Variants in CDKL5 observed in about 807,000 individuals in gnomAD.
The protein encoded by CDKL5 is cyclin-dependent kinase-like 5.
CDKL5 carries 8 observed loss-of-function variants against 61.7 expected under a neutral mutation model. The observed-to-expected ratio is 0.13, with a 90% CI of 0.08 to 0.23. The LOEUF is 0.23. Among genes scored for constraint, CDKL5 ranks in the 10% least tolerant of loss-of-function variants. The pLI is 1.00. For missense variants in CDKL5, 440 were observed against 734.5 expected (o/e 0.60, Z 4.63); for synonymous variants, 275 against 272.3 (o/e 1.01, Z -0.10).
intron 12 of CDKL5, among the ~76,000 whole-genome samples, chrX:18,607,568 C>G (rs968716678): frequency 2.7e-5 from 3 of 112,044 alleles, no homozygotes; most frequent in African/African-American, 9.7e-5. Flanking sequence ...AAGCACAGAT[C>G]TGTTACAGAC....
At chrX:18,647,666 A>G in intron 20 of CDKL5, 1 of 278,268 alleles carries the variant, frequency 3.6e-6, no homozygotes, top group Non-Finnish European at 6.5e-6. Flanking sequence ...AAAAACCAAG[A>G]GGTGCACAGT....
At chrX:18,509,192 A>AACACACACACACACACAC in intron 2 of CDKL5, among the ~76,000 whole-genome samples, 1 of 45,011 alleles carries the variant, frequency 2.2e-5, no homozygotes, top group Non-Finnish European at 4.0e-5. Context: ...ACTGTCTCAA[A>AACACACACACACACACAC]ACACGCACAC....
intron 3 of CDKL5, among the ~76,000 whole-genome samples, chrX:18,519,218 G>T (rs1000522845): frequency 8.9e-6 from 1 of 112,152 alleles, no homozygotes; most frequent in Non-Finnish European, 1.9e-5. Flanking sequence ...TTGTTGGAAT[G>T]CAGCCACAGT....
At chrX:18,501,579 C>T (rs1295813001) in intron 1 of CDKL5, among the ~76,000 whole-genome samples, 10 of 110,833 alleles carry the variant, frequency 9.0e-5, no homozygotes, top group Non-Finnish European at 1.1e-4. Flanking sequence ...GAGACAGTCT[C>T]GCTCTGTCGC....
At chrX:18,433,240 A>AT (rs373852698) in intron 1 of CDKL5, among the ~76,000 whole-genome samples, 3 of 107,324 alleles carry the variant, frequency 2.8e-5, no homozygotes, top group Non-Finnish European at 5.8e-5. Flanking sequence ...AAAAAAAAAA[A>AT]GAAAAGAAAA....
downstream of CDKL5, among the ~76,000 whole-genome samples, chrX:18,644,903 T>G (rs191528187): frequency 8.9e-6 from 1 of 112,772 alleles, no homozygotes; most frequent in African/African-American, 3.2e-5. Flanking sequence ...GTGGCTGAAA[T>G]TGCCTTTGGG....
chrX:18,622,338 C>T (rs903186105), intron 16 of CDKL5, among the ~76,000 whole-genome samples: 5 of 111,980 alleles, frequency 4.5e-5, no homozygotes, highest in Non-Finnish European at 9.4e-5. Context: ...GCTTTACCAA[C>T]CCAAAAGTTG....
At chrX:18,505,578 C>T (rs963658725) in intron 1 of CDKL5, among the ~76,000 whole-genome samples, 1 of 111,824 alleles carries the variant, frequency 8.9e-6, no homozygotes, top group African/African-American at 3.3e-5. Flanking sequence ...AGAATATGGG[C>T]CAATTATTTA....
At chrX:18,533,445 A>G (rs1349583314) in intron 3 of CDKL5, among the ~76,000 whole-genome samples, 2 of 111,743 alleles carry the variant, frequency 1.8e-5, no homozygotes, top group East Asian at 5.6e-4. Flanking sequence ...ATGTTTTTTT[A>G]AGAACTCTTC....
At chrX:18,651,264 T>TGTGTGA (rs1491242962) in intron 21 of CDKL5, among the ~76,000 whole-genome samples, 23 of 69,010 alleles carry the variant, frequency 3.3e-4, no homozygotes, top group African/African-American at 1.1e-3. Flanking sequence ...TGTGTGTGTG[T>TGTGTGA]GAGAGAGAGA....
chrX:18,506,213 A>G (rs767899761), intron 1 of CDKL5, among the ~76,000 whole-genome samples: 2 of 111,782 alleles, frequency 1.8e-5, no homozygotes, highest in African/African-American at 6.5e-5. Context: ...AATATGCCCT[A>G]GGCTCCTATG....
In CDKL5 at chrX:18,634,131, C is replaced by T. The variant is rs1927314750; in HGVS notation, c.*5374C>T. On this transcript the variant is annotated 3_prime_UTR_variant, in exon 18 of 18. Coordinates refer to ENST00000623535, the MANE Select transcript of CDKL5 (RefSeq NM_001323289.2). ...CGATCCTCCTTTGGAATCTGAAAAT[C>T]GGTCTCCATGTTGTATGCAGATTAG... The T allele has an allele frequency of 2.7e-6, 2 of 753,488 alleles. No individual in the cohort carries two copies. The highest frequency in any genetic ancestry group is 1.5e-4 in the East Asian group (1 of 6,650). The allele number at this position is 753,488 out of a possible 1,213,427, so 62.1% of individuals were successfully genotyped here.
At chrX:18,488,723 G>A (rs182918603) in intron 1 of CDKL5, among the ~76,000 whole-genome samples, 166 of 111,450 alleles carry the variant, frequency 1.5e-3, no homozygotes, top group African/African-American at 5.1e-3. Flanking sequence ...ATTCTAAGCC[G>A]CCCAGCCAAC....
chrX:18,518,385 C>CTTTTTTTTTTTTTTTTTTTTTTTTTTT (rs1195931109), intron 3 of CDKL5, among the ~76,000 whole-genome samples: 3 of 22,792 alleles, frequency 1.3e-4, no homozygotes, highest in African/African-American at 4.6e-4. Flanking sequence ...CTTTTCTTTT[C>CTTTTTTTTTTTTTTTTTTTTTTTTTTT]TTATTTTTTT....
At chrX:18,594,568 A>G (rs375575653) in intron 9 of CDKL5, among the ~76,000 whole-genome samples, 67 of 112,073 alleles carry the variant, frequency 6.0e-4, no homozygotes, top group African/African-American at 1.9e-3. Context: ...TTTTACTTCT[A>G]TGTTTTCAAA....
intron 1 of CDKL5, among the ~76,000 whole-genome samples, chrX:18,468,774 AT>A (rs1344478752): frequency 1.8e-5 from 2 of 111,017 alleles, no homozygotes; most frequent in Non-Finnish European, 3.8e-5. Flanking sequence ...GATACAATCA[AT>A]TTTCTTAGTC....
intron 9 of CDKL5, among the ~76,000 whole-genome samples, chrX:18,593,856 A>G (rs1157329467): frequency 8.9e-6 from 1 of 111,785 alleles, no homozygotes; most frequent in Non-Finnish European, 1.9e-5. Flanking sequence ...CTGTCTTCAC[A>G]TTTTTCATAT....
rs200066559 is a variant in CDKL5, at chrX:18,462,077, CG to C, written c.-163+36384del. On this transcript the variant is annotated intron_variant, in intron 1 of 17. Coordinates refer to ENST00000623535, the MANE Select transcript of CDKL5 (RefSeq NM_001323289.2). ...TTCTTAAGACATGAGATTTTTTTTGCGGTTTTTTTTTTTTTTTCTTTTTTAG... is the reference window on the plus strand; with the variant it reads ...TTCTTAAGACATGAGATTTTTTTTGCGTTTTTTTTTTTTTTTCTTTTTTAG... Among the ~76,000 whole-genome samples, 450 of 102,869 alleles carry C rather than the reference CG, an allele frequency of 4.4e-3. 2 individuals are homozygous for C. The Middle Eastern group carries it at 0.045, about 10-fold the overall frequency. 89.3% of individuals were successfully genotyped at this position (102,869 alleles called of 115,157 possible). A position where few individuals can be genotyped will look rare whatever the true frequency, so the allele number is the denominator to read the frequency against.
At chrX:18,647,425 C>A in intron 20 of CDKL5, 1 of 990,928 alleles carries the variant, frequency 1.0e-6, no homozygotes, top group Non-Finnish European at 1.4e-6. Context: ...ATCTGCTTTG[C>A]GCTTCGGAGA....
Sources: gnomAD v4.1 joint callset for allele counts (sites outside exome capture counted in the v4.1 genomes callset) on GRCh38, gnomAD v4.1.1 for gene constraint, MANE v1.5 for transcripts, NCBI Gene and HGNC (gene_info 2026-07-23, HGNC 2026-07-21) for gene names.